Variants in RRM1 observed in about 807,000 individuals in gnomAD.
The protein encoded by RRM1 is ribonucleoside-diphosphate reductase large subunit.
RRM1 carries 19 observed loss-of-function variants against 101.5 expected under a neutral mutation model. That is an observed-to-expected ratio of 0.19 (90% confidence interval 0.13 to 0.27). The LOEUF is 0.27. Ranked by LOEUF, RRM1 falls within the 10% of genes least tolerant of loss-of-function variation. RRM1 has a pLI of 1.00. For missense variants in RRM1, 500 were observed against 962.9 expected (o/e 0.52, Z 6.36); for synonymous variants, 298 against 323.4 (o/e 0.92, Z 0.84).
intron 18 of RRM1, among the ~76,000 whole-genome samples, chr11:4,135,476 C>A (rs181994084): frequency 6.6e-6 from 1 of 152,208 alleles, no homozygotes; most frequent in Non-Finnish European, 1.5e-5. Flanking sequence ...TTATTTCCTT[C>A]TTAGGTTTGA....
intron 12 of RRM1, among the ~76,000 whole-genome samples, chr11:4,124,605 A>G (rs1230771145): frequency 6.6e-6 from 1 of 152,218 alleles, no homozygotes; most frequent in Non-Finnish European, 1.5e-5. Context: ...TATATTATAG[A>G]GGCTAGAGTG....
chr11:4,095,826 T>G (rs889662771), intron 1 of RRM1, among the ~76,000 whole-genome samples: 42 of 152,210 alleles, frequency 2.8e-4, no homozygotes, highest in African/African-American at 9.9e-4. Context: ...AGTCCCTGCC[T>G]TGGGAACAGG....
chr11:4,127,403 A>G (rs111744297), intron 14 of RRM1, 147 bp downstream of exon 14: 3 of 518,370 alleles, frequency 5.8e-6, no homozygotes, highest in Non-Finnish European at 3.2e-6. Flanking sequence ...TTGCAGATGT[A>G]ATTAAGAACC....
chr11:4,095,775 C>T (rs1252135436), intron 1 of RRM1, among the ~76,000 whole-genome samples: 3 of 152,162 alleles, frequency 2.0e-5, no homozygotes, highest in Non-Finnish European at 2.9e-5. Context: ...CCGCTTTGTG[C>T]CCAGCCCTTT....
At chr11:4,103,093 A>C (rs2094553733) in intron 2 of RRM1, among the ~76,000 whole-genome samples, 2 of 152,232 alleles carry the variant, frequency 1.3e-5, no homozygotes, top group African/African-American at 2.4e-5. Context: ...TATCCGTAAA[A>C]CCTGTGCTCA....
At chr11:4,103,120 A>G (rs372406897) in intron 2 of RRM1, among the ~76,000 whole-genome samples, 7 of 152,194 alleles carry the variant, frequency 4.6e-5, no homozygotes, top group African/African-American at 1.7e-4. Context: ...AGCTTTAATC[A>G]TATAGTATGG....
intron 18 of RRM1, among the ~76,000 whole-genome samples, chr11:4,135,724 TTCTC>T (rs1163492261): frequency 3.3e-5 from 5 of 152,166 alleles, no homozygotes; most frequent in African/African-American, 1.2e-4. Context: ...ATCCATTGTT[TTCTC>T]ACTTTATAAA....
chr11:4,111,204 A>G lies in RRM1; in HGVS notation c.448-397A>G, dbSNP rs116353497. Among the ~76,000 whole-genome samples, 572 of 152,138 alleles carry G rather than the reference A, an allele frequency of 3.8e-3. 1 individual carries two copies. The highest frequency in any genetic ancestry group is 0.013 in the African/African-American group (546 of 41,512). On this transcript the variant is annotated intron_variant, in intron 5 of 18. Coordinates refer to ENST00000300738, the MANE Select transcript of RRM1 (RefSeq NM_001033.5). ...AAAGTTTTTTTTAAAAAAAGTGCCA[A>G]TGATAATTCTGGCTAACATGACGAA...
In RRM1 at chr11:4,132,525, C is replaced by T; in HGVS notation, c.1905+104C>T. The T allele has an allele frequency of 8.2e-7, 1 of 1,224,826 alleles. No homozygotes were observed. Among genetic ancestry groups the T allele is most frequent in the South Asian group, 1.4e-5 (1 of 72,848 alleles). 75.9% of individuals were successfully genotyped at this position (1,224,826 alleles called of 1,614,324 possible). On this transcript the variant is annotated intron_variant, in intron 16 of 18. Coordinates refer to ENST00000300738, the MANE Select transcript of RRM1 (RefSeq NM_001033.5). The surrounding 1 kb of genome is among the most constrained non-coding windows in gnomAD (Gnocchi z 4.1). ...TTTGCCCATTTTCTTAGTTTGGGTG[C>T]AAACTTTGATAAAGACAGTCATCTT...
intron 1 of RRM1, among the ~76,000 whole-genome samples, chr11:4,098,125 ACT>A (rs2094546107): frequency 6.6e-6 from 1 of 152,226 alleles, no homozygotes; most frequent in Non-Finnish European, 1.5e-5. Flanking sequence ...TTGGATTGTA[ACT>A]CACAGTAAAA....
chr11:4,103,272 A>G (rs2094554058), intron 2 of RRM1, among the ~76,000 whole-genome samples: 1 of 152,230 alleles, frequency 6.6e-6, no homozygotes, highest in African/African-American at 2.4e-5. Flanking sequence ...GATTTTATGT[A>G]TCTTGAAAAT....
chr11:4,138,590 G>T lies in RRM1; in HGVS notation c.*207G>T. ...GGATTTTCACCAAAATAATGCTTTT[G>T]AAAAAAAGAAAAAAAAAACGGATAT... On this transcript the variant is annotated 3_prime_UTR_variant, in exon 19 of 19. Transcript: ENST00000300738. 2.8e-6 allele frequency: 1 copy of T among 352,618 alleles called. No individual in the cohort carries two copies. Among genetic ancestry groups the T allele is most frequent in the Non-Finnish European group, 5.0e-6 (1 of 199,320 alleles). The allele number at this position is 352,618 out of a possible 1,614,324, so 21.8% of individuals were successfully genotyped here.
In RRM1 at chr11:4,133,716, C is replaced by T. The variant is rs561934481; in HGVS notation, c.2001+58C>T. ...GGCTGAGTTGGACATTGTGGTACCT[C>T]CTCACTCATGCTAGACAATGGAGAG... is the stretch of plus-strand genomic sequence containing the variant. On this transcript the variant is annotated intron_variant, in intron 17 of 18. Transcript: ENST00000300738. 7 of 956,964 alleles carry T rather than the reference C, an allele frequency of 7.3e-6. 1 individual carries two copies. Among genetic ancestry groups the T allele is most frequent in the Non-Finnish European group, 1.0e-5 (6 of 597,922 alleles). The allele number at this position is 956,964 out of a possible 1,614,324, so 59.3% of individuals were successfully genotyped here.
rs917655646 is a variant in RRM1, at chr11:4,102,864, C to T, written c.108+783C>T. On this transcript the variant is annotated intron_variant, in intron 2 of 18. Coordinates refer to ENST00000300738, the MANE Select transcript of RRM1 (RefSeq NM_001033.5). ...CCTTATCCTTTATAACTTCTGTATT[C>T]TAGACTCTCATCATCAGTTATCTGG... Among the ~76,000 whole-genome samples the T allele has an allele frequency of 1.3e-5, 2 of 152,156 alleles. 1 individual carries two copies. The highest frequency in any genetic ancestry group is 4.1e-4 in the South Asian group (2 of 4,826).
intron 18 of RRM1, among the ~76,000 whole-genome samples, chr11:4,137,526 C>G (rs1405237832): frequency 1.8e-5 from 1 of 57,036 alleles, no homozygotes; most frequent in Non-Finnish European, 3.8e-5. Flanking sequence ...CCGGACGGGG[C>G]GGCTGGCCGG....
At chr11:4,107,847 A>G (rs1410446193) in intron 4 of RRM1, among the ~76,000 whole-genome samples, 3 of 152,144 alleles carry the variant, frequency 2.0e-5, no homozygotes, top group African/African-American at 4.8e-5. Flanking sequence ...TTTGTTCTAT[A>G]TCAGCCTTTA....
At chr11:4,126,105 A>G (rs1234854462) in intron 12 of RRM1, among the ~76,000 whole-genome samples, 2 of 152,242 alleles carry the variant, frequency 1.3e-5, no homozygotes. Context: ...TGTAGTGGAG[A>G]AATCACTGGA....
At position 4,132,148 on chromosome 11, in the gene RRM1, C is replaced by T. The variant is rs995050449; in HGVS notation, c.1770-138C>T. On this transcript the variant is annotated intron_variant, in intron 15 of 18. Transcript: ENST00000300738. The surrounding 1 kb of genome is among the most constrained non-coding windows in gnomAD (Gnocchi z 4.1). ...TGTAGGAGTTTAATTTGAAAGTCAA[C>T]GTGTGAGTTCAATGCATGTACGATG... The T allele has an allele frequency of 2.5e-5, 21 of 825,428 alleles. No homozygotes were observed. Among genetic ancestry groups the T allele is most frequent in the South Asian group, 5.1e-5 (3 of 58,858 alleles). The allele number at this position is 825,428 out of a possible 1,614,324, so 51.1% of individuals were successfully genotyped here. A position where few individuals can be genotyped will look rare whatever the true frequency, so the allele number is the denominator to read the frequency against.
intron 18 of RRM1, 56 bp downstream of exon 18, chr11:4,135,326 G>A: frequency 2.9e-6 from 4 of 1,362,374 alleles, no homozygotes; most frequent in Non-Finnish European, 4.0e-6. Context: ...TTTTGGCATT[G>A]GAATGATTTT....
Sources: gnomAD v4.1 joint callset for allele counts (sites outside exome capture counted in the v4.1 genomes callset) on GRCh38, gnomAD v4.1.1 for gene constraint, Gnocchi (gnomAD v3.1) non-coding constraint, MANE v1.5 for transcripts, NCBI Gene and HGNC (gene_info 2026-07-23, HGNC 2026-07-21) for gene names.